AKIRIN2: variants seen among roughly 807,000 people sequenced by gnomAD.
AKIRIN2 encodes the protein akirin-2.
In AKIRIN2, 6 loss-of-function variants were observed where a neutral mutation model predicts 29.3. The ratio of observed to expected loss-of-function variants is 0.20; its 90% CI spans 0.11 to 0.40. The LOEUF is 0.40. Ranked by LOEUF, AKIRIN2 falls within the 10% of genes least tolerant of loss-of-function variation. The pLI, the probability that AKIRIN2 is intolerant of heterozygous loss-of-function variation, is 1.00. For missense variants in AKIRIN2, 210 were observed against 276.1 expected, an observed-to-expected ratio of 0.76 and a Z score of 1.70; for synonymous variants, 128 against 117.5, an observed-to-expected ratio of 1.09 and a Z score of -0.58.
At chr6:87,697,379 G>T (rs1645752336) in intron 1 of AKIRIN2, among the ~76,000 whole-genome samples, 1 of 150,908 alleles carries the variant, frequency 6.6e-6, no homozygotes, top group African/African-American at 2.4e-5. Context: ...AAACTTACAG[G>T]ATTCTTAAAT....
chr6:87,686,076 G>A (rs1198030783), intron 1 of AKIRIN2, among the ~76,000 whole-genome samples: 1 of 152,098 alleles, frequency 6.6e-6, no homozygotes, highest in Non-Finnish European at 1.5e-5. Flanking sequence ...TGAGCTGGGT[G>A]TGGTGGCGGG....
intron 2 of AKIRIN2, among the ~76,000 whole-genome samples, chr6:87,680,891 A>G (rs950284727): frequency 1.3e-5 from 2 of 151,958 alleles, no homozygotes; most frequent in African/African-American, 4.8e-5. Flanking sequence ...AATCTAGCCC[A>G]ATAAGACAAG....
At chr6:87,690,762 C>G (rs1432709339) in intron 1 of AKIRIN2, among the ~76,000 whole-genome samples, 2 of 151,572 alleles carry the variant, frequency 1.3e-5, no homozygotes, top group Admixed American at 6.6e-5. Flanking sequence ...GGCTTGAGGT[C>G]AGGAGTTCAA....
At chr6:87,693,270 C>T (rs905967317) in intron 1 of AKIRIN2, among the ~76,000 whole-genome samples, 2 of 151,962 alleles carry the variant, frequency 1.3e-5, no homozygotes, top group Middle Eastern at 3.4e-3. Context: ...GCATAACTCT[C>T]ATCTAATGAG....
At chr6:87,677,755 C>G (rs1017565632) in intron 3 of AKIRIN2, 63 bp downstream of exon 3, 1 of 1,534,452 alleles carries the variant, frequency 6.5e-7, no homozygotes. Context: ...AATTAAAGTA[C>G]ACGTGGAAAA....
intron 1 of AKIRIN2, among the ~76,000 whole-genome samples, chr6:87,692,803 C>G (rs1771296629): frequency 6.6e-6 from 1 of 152,102 alleles, no homozygotes; most frequent in South Asian, 2.1e-4. Flanking sequence ...GAGTAAGACT[C>G]TTGTCTCAAA....
intron 1 of AKIRIN2, among the ~76,000 whole-genome samples, chr6:87,693,869 C>T (rs935987900): frequency 5.9e-5 from 9 of 152,108 alleles, no homozygotes; most frequent in Non-Finnish European, 1.0e-4. Context: ...ACATCAAGTC[C>T]CCCTCTCTAT....
intron 1 of AKIRIN2, among the ~76,000 whole-genome samples, chr6:87,695,119 A>T (rs1464842078): frequency 6.6e-6 from 1 of 152,230 alleles, no homozygotes; most frequent in Admixed American, 6.5e-5. Flanking sequence ...CCAATGAGCA[A>T]ATACCTGATA....
At chr6:87,688,968 A>G (rs1771235037) in intron 1 of AKIRIN2, among the ~76,000 whole-genome samples, 1 of 152,234 alleles carries the variant, frequency 6.6e-6, no homozygotes, top group South Asian at 2.1e-4. Context: ...AGCACTAGCT[A>G]TACAGTACCA....
chr6:87,699,819 TGA>T (rs1771428789), intron 1 of AKIRIN2, among the ~76,000 whole-genome samples: 1 of 152,184 alleles, frequency 6.6e-6, no homozygotes, highest in South Asian at 2.1e-4. Flanking sequence ...ATTTTGACAT[TGA>T]GATATAGTAC....
At chr6:87,699,544 A>G (rs978364562) in intron 1 of AKIRIN2, among the ~76,000 whole-genome samples, 3 of 152,200 alleles carry the variant, frequency 2.0e-5, no homozygotes, top group Non-Finnish European at 2.9e-5. Context: ...GTCAAAAAAA[A>G]AACACCTTGA....
chr6:87,675,029 A>T lies in AKIRIN2; in HGVS notation c.*568T>A, dbSNP rs926395773. The T allele has an allele frequency of 6.6e-6, 1 of 151,602 alleles. No homozygotes were observed. The highest frequency in any genetic ancestry group is 2.4e-5 in the African/African-American group (1 of 40,940). The allele number at this position is 151,602 out of a possible 1,614,324, so 9.4% of individuals were successfully genotyped here. On this transcript the variant is annotated 3_prime_UTR_variant, in exon 5 of 5. Transcript: ENST00000257787. ...AAATGCAGCAATAAACATTTGTTAA[A>T]AAGACTGATAGAATAAATAAAACTA...
chr6:87,700,692 G>C (rs917234058), intron 1 of AKIRIN2: 1 of 152,408 alleles, frequency 6.6e-6, no homozygotes, highest in South Asian at 2.1e-4. Context: ...TACTTTGTTG[G>C]GCAAAAATAA....
At chr6:87,681,806 C>G in intron 1 of AKIRIN2, 43 bp from the exon 2 acceptor site, 1 of 1,477,510 alleles carries the variant, frequency 6.8e-7, no homozygotes, top group Non-Finnish European at 9.1e-7. Context: ...AAAACTTTCA[C>G]ATTAAAAAAG....
At chr6:87,688,147 G>C (rs918234333) in intron 1 of AKIRIN2, among the ~76,000 whole-genome samples, 1 of 151,656 alleles carries the variant, frequency 6.6e-6, no homozygotes, top group Admixed American at 6.6e-5. Context: ...TTGTTTTTGT[G>C]GGGGGACAGA....
At chr6:87,686,786 C>A (rs146070045) in intron 1 of AKIRIN2, among the ~76,000 whole-genome samples, 173 of 152,220 alleles carry the variant, frequency 1.1e-3, no homozygotes, top group African/African-American at 3.9e-3. Context: ...TAGTTCATGC[C>A]TGTAATCCCA....
chr6:87,700,302 G>A lies in AKIRIN2; in HGVS notation c.235+1148C>T, dbSNP rs189156827. On this transcript the variant is annotated intron_variant, in intron 1 of 4. Coordinates refer to ENST00000257787, the MANE Select transcript of AKIRIN2 (RefSeq NM_018064.4). ...AAAACACTAAAGTCAGTTTCAAATG[G>A]AAGTCACCAAATACAGAGGTATATA... 2.4e-3 allele frequency among the ~76,000 whole-genome samples: 367 copies of A among 150,588 alleles called. 3 individuals are homozygous for A. The highest frequency in any genetic ancestry group is 8.6e-3 in the African/African-American group (354 of 41,116).
chr6:87,683,697 A>G (rs1771149036), intron 1 of AKIRIN2, among the ~76,000 whole-genome samples: 1 of 152,176 alleles, frequency 6.6e-6, no homozygotes, highest in African/African-American at 2.4e-5. Context: ...TCTGTCACCC[A>G]GACTGGAGTG....
rs569256415 is a variant in AKIRIN2, at chr6:87,678,182, A to AT, written c.380-216dup. On this transcript the variant is annotated intron_variant, in intron 2 of 4. Transcript: ENST00000257787. Reference sequence around the variant, plus strand: ...AAAAACACGGCAAGATGTAATTAAGATAAAAAAGACTAAAGGTGAGTAGAA... The same window carrying AT: ...AAAAACACGGCAAGATGTAATTAAGATTAAAAAAGACTAAAGGTGAGTAGAA... Among the ~76,000 whole-genome samples the AT allele has an allele frequency of 9.8e-5, 15 of 152,356 alleles. 1 individual carries two copies. The East Asian group carries it at 2.9e-3, about 29-fold the overall frequency.
Sources: allele counts gnomAD v4.1 joint callset (sites outside exome capture counted in the v4.1 genomes callset), GRCh38; gene constraint gnomAD v4.1.1; transcripts MANE v1.5; gene names NCBI Gene and HGNC (gene_info 2026-07-23, HGNC 2026-07-21).